LARGE1: variants seen among roughly 807,000 people sequenced by gnomAD.
LARGE1 encodes the protein LARGE xylosyl- and glucuronyltransferase 1.
Under a neutral mutation model 87.6 loss-of-function variants are expected in LARGE1, and 43 were observed. The ratio of observed to expected loss-of-function variants is 0.49; its 90% CI spans 0.38 to 0.63. The LOEUF (loss-of-function observed/expected upper bound fraction) is 0.63. Among genes scored for constraint, LARGE1 ranks in the 30% least tolerant of loss-of-function variants. The probability of loss-of-function intolerance (pLI) is 0.00; values close to 1 mark genes in which losing one functional copy is unlikely to be tolerated. For synonymous variants in LARGE1, 434 were observed against 394.6 expected (o/e 1.10, Z -1.18); for missense variants, 802 against 1,000.2 (o/e 0.80, Z 2.67).
rs138566126 is a variant in LARGE1 at position 33,477,395 on chromosome 22, A to G, written c.788-45130T>C. On this transcript the variant is annotated intron_variant, in intron 6 of 14. Coordinates refer to ENST00000397394, the MANE Select transcript of LARGE1 (RefSeq NM_133642.5). ...TATGCCGTCTAAAGATGCTTTGTCA[A>G]AGTCCCTCTTTGTTTAGAAACTATG... Among the ~76,000 whole-genome samples the G allele has an allele frequency of 5.5e-3, 835 of 152,340 alleles. 9 individuals carry two copies. The highest frequency in any genetic ancestry group is 0.022 in the Admixed American group (332 of 15,306).
chr22:33,694,526 C>T (rs1331240965), intron 2 of LARGE1, among the ~76,000 whole-genome samples: 1 of 152,100 alleles, frequency 6.6e-6, no homozygotes, highest in African/African-American at 2.4e-5. Context: ...CTTTGTGTGG[C>T]AGAATCTGGT....
At chr22:33,876,022 G>A (rs1371268424) in intron 1 of LARGE1, among the ~76,000 whole-genome samples, 20 of 152,180 alleles carry the variant, frequency 1.3e-4, no homozygotes, top group Non-Finnish European at 1.5e-5. Context: ...CCAATCTTGG[G>A]ATTTTAGAAC....
intron 6 of LARGE1, among the ~76,000 whole-genome samples, chr22:33,512,585 C>T (rs1413985573): frequency 6.6e-6 from 1 of 151,960 alleles, no homozygotes; most frequent in East Asian, 1.9e-4. Flanking sequence ...GGAAGATCAC[C>T]TGAGGTCAGG....
chr22:33,906,749 G>A (rs1308620874), intron 1 of LARGE1, among the ~76,000 whole-genome samples: 1 of 152,056 alleles, frequency 6.6e-6, no homozygotes, highest in African/African-American at 2.4e-5. Flanking sequence ...CAGGGCCTCT[G>A]CAAATTTTCT....
At chr22:33,136,963 T>C in the LARGE1 span, among the ~76,000 whole-genome samples, 1 of 151,934 alleles carries the variant, frequency 6.6e-6, no homozygotes, top group Admixed American at 6.6e-5. Flanking sequence ...GAGATCTATA[T>C]GTCTCAAAGA....
intron 6 of LARGE1, among the ~76,000 whole-genome samples, chr22:33,453,297 C>T (rs2068011665): frequency 6.6e-6 from 1 of 152,092 alleles, no homozygotes; most frequent in Non-Finnish European, 1.5e-5. Context: ...CGCCTGTAAT[C>T]CCAGCTACTC....
intron 10 of LARGE1, among the ~76,000 whole-genome samples, chr22:33,320,698 G>A (rs1303228516): frequency 6.6e-6 from 1 of 152,166 alleles, no homozygotes; most frequent in Non-Finnish European, 1.5e-5. Flanking sequence ...ATGCACAGAA[G>A]GTGATCAATA....
chr22:33,103,854 G>A, the LARGE1 span, among the ~76,000 whole-genome samples: 16 of 152,260 alleles, frequency 1.1e-4, no homozygotes, highest in Middle Eastern at 6.8e-3. Context: ...TACTGTTCTC[G>A]TGGTAGTGAA....
chr22:33,866,047 C>A (rs987568311), intron 1 of LARGE1, among the ~76,000 whole-genome samples: 1 of 151,606 alleles, frequency 6.6e-6, no homozygotes, highest in Admixed American at 6.6e-5. Context: ...TAGGGTTTCA[C>A]CATGTTGCCC....
the LARGE1 span, among the ~76,000 whole-genome samples, chr22:33,097,960 T>C: frequency 6.6e-6 from 1 of 152,222 alleles, no homozygotes; most frequent in Non-Finnish European, 1.5e-5. Flanking sequence ...CTCATACACT[T>C]AGCATTTGCC....
chr22:33,167,417 G>A (rs1490050571), intron 11 of LARGE1, among the ~76,000 whole-genome samples: 2 of 152,182 alleles, frequency 1.3e-5, no homozygotes, highest in Non-Finnish European at 2.9e-5. Flanking sequence ...TGCATTCGAT[G>A]AACAGTGCAT....
At chr22:33,293,647 T>C (rs1932889575) in intron 12 of LARGE1, among the ~76,000 whole-genome samples, 1 of 152,206 alleles carries the variant, frequency 6.6e-6, no homozygotes. Flanking sequence ...GGCAGGAGGC[T>C]ACGATCTGTG....
At chr22:33,750,441 C>A (rs917249034) in intron 2 of LARGE1, among the ~76,000 whole-genome samples, 1 of 152,222 alleles carries the variant, frequency 6.6e-6, no homozygotes, top group Admixed American at 6.5e-5. Context: ...AAACCCAACA[C>A]AAGTGCAAGC....
the LARGE1 span, among the ~76,000 whole-genome samples, chr22:33,148,556 T>G: frequency 5.3e-5 from 8 of 152,310 alleles, 2 homozygotes; most frequent in African/African-American, 1.9e-4. Context: ...AAGTTTTGTT[T>G]GAACATAAAT....
At chr22:33,500,740 C>G (rs996297838) in intron 6 of LARGE1, among the ~76,000 whole-genome samples, 10 of 152,142 alleles carry the variant, frequency 6.6e-5, no homozygotes, top group African/African-American at 2.4e-4. Flanking sequence ...TTAAATAAGG[C>G]AGTACACAGG....
chr22:33,634,727 T>C (rs1290460938), intron 3 of LARGE1, among the ~76,000 whole-genome samples: 1 of 152,094 alleles, frequency 6.6e-6, no homozygotes, highest in East Asian at 1.9e-4. Flanking sequence ...TCCAGAGAGC[T>C]GGATGCTGGT....
intron 6 of LARGE1, among the ~76,000 whole-genome samples, chr22:33,480,581 T>C (rs1298277504): frequency 2.6e-5 from 4 of 152,276 alleles, no homozygotes; most frequent in South Asian, 2.1e-4. Context: ...AAGGGCTGCA[T>C]GTAAATGAAA....
the LARGE1 span, among the ~76,000 whole-genome samples, chr22:33,078,809 G>A: frequency 1.7e-4 from 26 of 152,214 alleles, no homozygotes; most frequent in South Asian, 6.2e-4. Context: ...GGCACAGAGG[G>A]TCACAGAAAA....
At chr22:33,103,444 A>AAAC in the LARGE1 span, among the ~76,000 whole-genome samples, 1 of 150,292 alleles carries the variant, frequency 6.7e-6, no homozygotes, top group Non-Finnish European at 1.5e-5. Flanking sequence ...AAAAAAAAAA[A>AAAC]AAAAAAAAAA....
Sources: allele counts gnomAD v4.1 joint callset (sites outside exome capture counted in the v4.1 genomes callset), GRCh38; gene constraint gnomAD v4.1.1; transcripts MANE v1.5; gene names NCBI Gene and HGNC (gene_info 2026-07-23, HGNC 2026-07-21).